The following SNX14 variants were observed in gnomAD, a reference collection of about 807,000 sequenced individuals.
The protein encoded by SNX14 is sorting nexin 14, also known as sorting nexin-14.
A neutral mutation model predicts 133.8 loss-of-function variants in SNX14; 93 were observed. The ratio of observed to expected loss-of-function variants is 0.70; its 90% CI spans 0.59 to 0.83. SNX14 has a LOEUF of 0.83. SNX14 is among the 40% of genes least tolerant of loss of function. The pLI is 0.00. For synonymous variants in SNX14, 368 were observed against 365.6 expected, an observed-to-expected ratio of 1.01 and a Z score of -0.07; for missense variants, 945 against 1,094.9, an observed-to-expected ratio of 0.86 and a Z score of 1.93.
At chr6:85,550,808 A>C (rs1045516925) in intron 7 of SNX14, among the ~76,000 whole-genome samples, 2 of 149,734 alleles carry the variant, frequency 1.3e-5, no homozygotes, top group African/African-American at 4.9e-5. Flanking sequence ...TTTGAGGCAG[A>C]GTTTCTCTCT....
At chr6:85,518,092 C>A in intron 21 of SNX14, 44 bp from the exon 22 acceptor site, 1 of 1,480,686 alleles carries the variant, frequency 6.8e-7, no homozygotes, top group South Asian at 1.2e-5. Context: ...GCATAAAACT[C>A]TTCATAATTG....
intron 6 of SNX14, among the ~76,000 whole-genome samples, chr6:85,560,534 G>C (rs957399745): frequency 4.6e-5 from 7 of 152,144 alleles, no homozygotes; most frequent in Non-Finnish European, 8.8e-5. Flanking sequence ...CTCTTTCTGG[G>C]TGATGAAAAT....
intron 9 of SNX14, 42 bp from the exon 10 acceptor site, chr6:85,547,592 C>A: frequency 1.4e-6 from 2 of 1,433,096 alleles, no homozygotes; most frequent in South Asian, 2.6e-5. Flanking sequence ...AATTCCACTA[C>A]TGTATTCTCC....
At chr6:85,509,558 A>G (rs1772015689) in intron 26 of SNX14, among the ~76,000 whole-genome samples, 1 of 152,184 alleles carries the variant, frequency 6.6e-6, no homozygotes, top group Non-Finnish European at 1.5e-5. Context: ...TGTGTTCACA[A>G]TGAAACTGAG....
At chr6:85,552,112 CTG>C (rs1404451323) in intron 7 of SNX14, among the ~76,000 whole-genome samples, 2 of 146,204 alleles carry the variant, frequency 1.4e-5, no homozygotes, top group Non-Finnish European at 3.0e-5. Context: ...TCTCGGCTCA[CTG>C]CAAGCTCCGC....
At chr6:85,583,802 C>A (rs34936540) in intron 1 of SNX14, among the ~76,000 whole-genome samples, 12,457 of 152,090 alleles carry the variant, frequency 0.082, 830 homozygotes, top group East Asian at 0.22. Context: ...GAATCAATAT[C>A]GTGAAAATGG....
At chr6:85,588,802 T>C in intron 1 of SNX14, 3 of 449,930 alleles carry the variant, frequency 6.7e-6, no homozygotes, top group Non-Finnish European at 1.3e-5. Flanking sequence ...CTTACAATGA[T>C]GTAAGCTAGA....
intron 19 of SNX14, among the ~76,000 whole-genome samples, chr6:85,529,379 T>G (rs1174258273): frequency 6.8e-6 from 1 of 147,504 alleles, no homozygotes. Context: ...AACAAGGAAA[T>G]GAAGGAAGGA....
intron 7 of SNX14, among the ~76,000 whole-genome samples, chr6:85,555,794 A>G (rs1403522524): frequency 6.6e-6 from 1 of 152,120 alleles, no homozygotes; most frequent in African/African-American, 2.4e-5. Context: ...ATTCGAGACC[A>G]GCCTGGTCAA....
intron 15 of SNX14, among the ~76,000 whole-genome samples, chr6:85,539,617 C>T (rs1168577087): frequency 1.3e-5 from 2 of 151,738 alleles, no homozygotes; most frequent in Non-Finnish European, 2.9e-5. Flanking sequence ...TCTAAATTTC[C>T]AATGAAAGAA....
chr6:85,534,140 C>G (rs1046735851), intron 17 of SNX14, among the ~76,000 whole-genome samples: 1 of 152,168 alleles, frequency 6.6e-6, no homozygotes, highest in East Asian at 1.9e-4. Context: ...CAAGTAGGCA[C>G]TGCTGCCAAA....
At chr6:85,542,356 G>C (rs1430957122) in intron 14 of SNX14, among the ~76,000 whole-genome samples, 1 of 152,076 alleles carries the variant, frequency 6.6e-6, no homozygotes, top group African/African-American at 2.4e-5. Flanking sequence ...ACAGGTTTTG[G>C]TATTGATAAT....
chr6:85,514,218 C>G lies in SNX14; in HGVS notation c.2409G>C (p.Gln803His). The G allele has an allele frequency of 1.2e-6, 2 of 1,611,830 alleles. No homozygotes were observed. Among genetic ancestry groups the G allele is most frequent in the East Asian group, 2.2e-5 (1 of 44,820 alleles). Residue 803 changes from glutamine to histidine, a missense_variant, in exon 25 of 29, where the codon CAG (glutamine) becomes CAC (histidine). By Grantham distance (24) the Gln-to-His change is conservative (BLOSUM62 0). Coordinates refer to ENST00000314673, the MANE Select transcript of SNX14 (RefSeq NM_153816.6). ...YLMYVGRVVF[Q>H]VPDWLHHLLM... ...AGAGATGATGAAGCCAGTCAGGAAC[C>G]TGGAAAACTACCCGTCCTGAGAAAG...
At chr6:85,569,425 T>C (rs1279407540) in intron 4 of SNX14, among the ~76,000 whole-genome samples, 1 of 152,192 alleles carries the variant, frequency 6.6e-6, no homozygotes, top group African/African-American at 2.4e-5. Context: ...AACCTGAATA[T>C]ATGAAAATAA....
At chr6:85,593,335 T>C (rs1803516731) in intron 1 of SNX14, among the ~76,000 whole-genome samples, 1 of 152,074 alleles carries the variant, frequency 6.6e-6, no homozygotes, top group African/African-American at 2.4e-5. Flanking sequence ...GAGAAATGGA[T>C]GAGAAAAAGG....
intron 4 of SNX14, among the ~76,000 whole-genome samples, chr6:85,571,359 CAAA>C (rs55696922): frequency 5.6e-5 from 3 of 53,334 alleles, no homozygotes; most frequent in Non-Finnish European, 7.9e-5. Context: ...GACTCCATCT[CAAA>C]AAAAAAAAAA....
At chr6:85,507,426 G>A in intron 27 of SNX14, 137 bp from the exon 28 acceptor site, 2 of 630,622 alleles carry the variant, frequency 3.2e-6, no homozygotes, top group East Asian at 2.9e-5. Context: ...TATAAAACAA[G>A]CACAAAAGTA....
intron 1 of SNX14, among the ~76,000 whole-genome samples, chr6:85,588,501 C>T (rs187380526): frequency 8.9e-4 from 135 of 152,198 alleles, no homozygotes; most frequent in African/African-American, 3.0e-3. Flanking sequence ...GGCATGAACC[C>T]GGGAGGCGGA....
At chr6:85,530,297 A>G (rs1265647795) in intron 18 of SNX14, 22 bp from the exon 19 acceptor site, 2 of 1,395,374 alleles carry the variant, frequency 1.4e-6, no homozygotes, top group Non-Finnish European at 2.0e-6. Context: ...GTACACACAC[A>G]CTGAGTAACA....
Sources: gnomAD v4.1 joint callset for allele counts (sites outside exome capture counted in the v4.1 genomes callset) on GRCh38, gnomAD v4.1.1 for gene constraint, MANE v1.5 for transcripts, NCBI Gene and HGNC (gene_info 2026-07-23, HGNC 2026-07-21) for gene names.